Variants in PDSS2 observed in about 807,000 individuals in gnomAD.
PDSS2 encodes decaprenyl diphosphate synthase subunit 2.
In PDSS2, 31 loss-of-function variants were observed where a neutral mutation model predicts 44.5. That is an observed-to-expected ratio of 0.70 (90% confidence interval 0.52 to 0.94). The LOEUF (loss-of-function observed/expected upper bound fraction) is 0.94. PDSS2 is among the 40% of genes least tolerant of loss of function. PDSS2 has a pLI of 0.00. For synonymous variants in PDSS2, 157 were observed against 180.3 expected (o/e 0.87, Z 1.03); for missense variants, 452 against 482.2 (o/e 0.94, Z 0.59).
At chr6:107,227,687 G>A (rs796551247) in intron 4 of PDSS2, among the ~76,000 whole-genome samples, 2 of 152,142 alleles carry the variant, frequency 1.3e-5, no homozygotes, top group East Asian at 3.9e-4. Flanking sequence ...AGTAAGGCAG[G>A]CACCAGGTGA....
intron 1 of PDSS2, among the ~76,000 whole-genome samples, chr6:107,446,288 C>A (rs1393765197): frequency 1.3e-5 from 2 of 151,584 alleles, no homozygotes; most frequent in African/African-American, 4.9e-5. Flanking sequence ...TGCACTCCAG[C>A]CTGGCAACGA....
chr6:107,153,446 C>T lies in PDSS2; in HGVS notation c.*1173G>A, dbSNP rs1770776124. The T allele has an allele frequency of 6.6e-6, 1 of 152,572 alleles. No individual in the cohort carries two copies. The highest frequency in any genetic ancestry group is 2.4e-5 in the African/African-American group (1 of 41,422). The allele number at this position is 152,572 out of a possible 1,614,324, so 9.5% of individuals were successfully genotyped here. A position where few individuals can be genotyped will look rare whatever the true frequency, so the allele number is the denominator to read the frequency against. On this transcript the variant is annotated 3_prime_UTR_variant, in exon 8 of 8. Coordinates refer to ENST00000369037, the MANE Select transcript of PDSS2 (RefSeq NM_020381.4). The stretch of plus-strand genomic sequence containing the variant: ...TTGACATTCTGAGGTTAAAAGAACA[C>T]TCTCACCAATGAATTCCCTAGTACA...
At chr6:107,190,834 A>G (rs1394170430) in intron 7 of PDSS2, among the ~76,000 whole-genome samples, 2 of 152,138 alleles carry the variant, frequency 1.3e-5, no homozygotes, top group African/African-American at 4.8e-5. Flanking sequence ...GAGATCACAC[A>G]GCCCCGTATA....
intron 1 of PDSS2, among the ~76,000 whole-genome samples, chr6:107,435,554 TA>T (rs1781325517): frequency 6.6e-6 from 1 of 152,168 alleles, no homozygotes; most frequent in Admixed American, 6.5e-5. Flanking sequence ...CACAGTGGCC[TA>T]AAAGACATAG....
At chr6:107,406,117 T>C (rs1237688571) in intron 1 of PDSS2, among the ~76,000 whole-genome samples, 1 of 152,202 alleles carries the variant, frequency 6.6e-6, no homozygotes, top group East Asian at 1.9e-4. Flanking sequence ...TATCAATTTA[T>C]CAGAATCTGC....
chr6:107,338,918 TC>T (rs1777993961), intron 1 of PDSS2, among the ~76,000 whole-genome samples: 4 of 151,778 alleles, frequency 2.6e-5, no homozygotes, highest in African/African-American at 9.7e-5. Flanking sequence ...AGAGACAGGG[TC>T]TTGCTATATT....
intron 2 of PDSS2, among the ~76,000 whole-genome samples, chr6:107,301,921 C>CAAAAAAA (rs10592658): frequency 5.1e-5 from 4 of 78,644 alleles, no homozygotes; most frequent in Non-Finnish European, 6.7e-5. Context: ...GACTCTATCT[C>CAAAAAAA]AAAAAAAAAA....
intron 7 of PDSS2, among the ~76,000 whole-genome samples, chr6:107,181,669 C>T (rs1225449322): frequency 6.6e-6 from 1 of 151,542 alleles, no homozygotes; most frequent in Non-Finnish European, 1.5e-5. Context: ...GCCGGTGGAT[C>T]ACCTGAGGTC....
chr6:107,207,911 T>TGCTCTCTCCTTTAAGGA, intron 6 of PDSS2, among the ~76,000 whole-genome samples: 1 of 151,780 alleles, frequency 6.6e-6, no homozygotes, highest in East Asian at 1.9e-4. Flanking sequence ...TGTCCAGCCA[T>TGCTCTCTCCTTTAAGGA]TATTTTTATT....
At chr6:107,216,712 A>G (rs1773424681) in intron 4 of PDSS2, among the ~76,000 whole-genome samples, 1 of 152,214 alleles carries the variant, frequency 6.6e-6, no homozygotes, top group African/African-American at 2.4e-5. Flanking sequence ...ACTGAAGTTC[A>G]TATGGGAAAA....
intron 7 of PDSS2, among the ~76,000 whole-genome samples, chr6:107,168,460 C>A (rs1771435719): frequency 6.6e-6 from 1 of 151,872 alleles, no homozygotes; most frequent in African/African-American, 2.4e-5. Context: ...TTAATTGGAG[C>A]ATTTAGCCCA....
chr6:107,362,636 T>C (rs568558967), intron 1 of PDSS2, among the ~76,000 whole-genome samples: 1 of 152,284 alleles, frequency 6.6e-6, no homozygotes, highest in Non-Finnish European at 1.5e-5. Context: ...AACAGAAAGT[T>C]AGGAGTCATG....
intron 1 of PDSS2, among the ~76,000 whole-genome samples, chr6:107,371,095 G>C (rs112664043): frequency 0.069 from 10,420 of 151,974 alleles, 426 homozygotes; most frequent in Non-Finnish European, 0.09. Flanking sequence ...CAGGAGAATC[G>C]CTTGAACCCA....
intron 7 of PDSS2, among the ~76,000 whole-genome samples, chr6:107,186,367 A>G (rs1772164036): frequency 1.3e-5 from 2 of 152,214 alleles, no homozygotes; most frequent in South Asian, 4.1e-4. Flanking sequence ...GAATGATTTT[A>G]AAATGATCAC....
At chr6:107,290,680 G>C (rs369942971) in intron 2 of PDSS2, among the ~76,000 whole-genome samples, 1 of 152,164 alleles carries the variant, frequency 6.6e-6, no homozygotes. Flanking sequence ...CTCGGCTTAT[G>C]TATCTACAAG....
intron 2 of PDSS2, among the ~76,000 whole-genome samples, chr6:107,297,601 C>T (rs185870120): frequency 3.0e-4 from 45 of 151,886 alleles, no homozygotes; most frequent in Non-Finnish European, 5.4e-4. Flanking sequence ...AGGCTGGTCT[C>T]GAACTCCTGG....
At chr6:107,245,418 C>CAAAAAAAAAAAAAAAAA (rs35614951) in intron 4 of PDSS2, 130 bp downstream of exon 4, 1 of 115,906 alleles carries the variant, frequency 8.6e-6, no homozygotes, top group East Asian at 2.4e-4. Flanking sequence ...AAACACTAAT[C>CAAAAAAAAAAAAAAAAA]AAAAAAAAAA....
chr6:107,325,686 A>T (rs1387337396), intron 2 of PDSS2, among the ~76,000 whole-genome samples: 1 of 152,186 alleles, frequency 6.6e-6, no homozygotes, highest in Admixed American at 6.6e-5. Flanking sequence ...CCCTCATTCT[A>T]ATTACAGGAT....
Position 107,154,673 on chromosome 6 carries a change from C to T in PDSS2, c.1146G>A (p.Ser382=), listed in dbSNP as rs192206443. The change falls in exon 8 of 8, where the codon TCG becomes TCA. Residue 382 remains serine, a synonymous_variant. Transcript: ENST00000369037. ...ALEALESFPP[S]EARSALENIV... Reference sequence around the variant, plus strand: ...TGTTTTCTAAAGCAGATCTGGCCTCCGAGGGAGGAAAGCTCTCCAGGGCCT... The same window carrying T: ...TGTTTTCTAAAGCAGATCTGGCCTCTGAGGGAGGAAAGCTCTCCAGGGCCT... 1.2e-4 allele frequency: 198 copies of T among 1,614,136 alleles called. 1 individual carries two copies. The East Asian group carries it at 2.5e-3, about 21-fold the overall frequency.
Sources: gnomAD v4.1 joint callset for allele counts (sites outside exome capture counted in the v4.1 genomes callset) on GRCh38, gnomAD v4.1.1 for gene constraint, MANE v1.5 for transcripts, NCBI Gene and HGNC (gene_info 2026-07-23, HGNC 2026-07-21) for gene names.